MPP7: variants seen among roughly 807,000 people sequenced by gnomAD.
MPP7 encodes the protein MAGUK p55 scaffold protein 7, also known as MAGUK p55 subfamily member 7.
MPP7 carries 60 observed loss-of-function variants against 76.5 expected under a neutral mutation model. The observed-to-expected ratio is 0.78, with a 90% confidence interval of 0.64 to 0.97. The LOEUF is 0.97. Among genes scored for constraint, MPP7 ranks in the 50% least tolerant of loss-of-function variants. The pLI is 0.00. For synonymous variants in MPP7, 237 were observed against 244.5 expected (o/e 0.97, Z 0.29); for missense variants, 641 against 694.0 (o/e 0.92, Z 0.86).
chr10:28,220,328 T>C (rs1032345143), intron 2 of MPP7, among the ~76,000 whole-genome samples: 4 of 152,094 alleles, frequency 2.6e-5, no homozygotes, highest in Non-Finnish European at 5.9e-5. Flanking sequence ...CATAGAAAAA[T>C]GAAAATTACT....
chr10:28,292,476 A>G (rs1458194157), intron 1 of MPP7, among the ~76,000 whole-genome samples: 1 of 152,126 alleles, frequency 6.6e-6, no homozygotes, highest in Non-Finnish European at 1.5e-5. Context: ...TCTGACCTCC[A>G]TTGAATAAAA....
chr10:28,061,101 T>C (rs1851766696), intron 13 of MPP7, among the ~76,000 whole-genome samples: 1 of 152,054 alleles, frequency 6.6e-6, no homozygotes, highest in South Asian at 2.1e-4. Flanking sequence ...TAATACAACA[T>C]TATATTCACA....
chr10:28,313,420 C>T (rs1349149389), intron 2 of MPP7, among the ~76,000 whole-genome samples: 1 of 152,044 alleles, frequency 6.6e-6, no homozygotes, highest in Non-Finnish European at 1.5e-5. Context: ...GCAGGAGAAT[C>T]TCTTGAACCT....
intron 10 of MPP7, 128 bp from the exon 11 acceptor site, chr10:28,119,843 T>C (rs959738983): frequency 4.6e-5 from 31 of 680,186 alleles, no homozygotes; most frequent in Admixed American, 9.9e-5. Flanking sequence ...ATGCAATAGA[T>C]TCAAATTAAG....
intron 11 of MPP7, among the ~76,000 whole-genome samples, chr10:28,096,565 G>C (rs1853579920): frequency 6.6e-6 from 1 of 152,124 alleles, no homozygotes; most frequent in South Asian, 2.1e-4. Flanking sequence ...TTAAAAAGAT[G>C]TAAGGTTTTC....
At chr10:28,329,000 T>C (rs907213979) in intron 2 of MPP7, among the ~76,000 whole-genome samples, 2 of 152,236 alleles carry the variant, frequency 1.3e-5, no homozygotes, top group Admixed American at 6.5e-5. Context: ...AAATGTATTA[T>C]AAAGGTACTG....
At chr10:28,294,307 G>C (rs1012218263) in intron 1 of MPP7, among the ~76,000 whole-genome samples, 1 of 152,132 alleles carries the variant, frequency 6.6e-6, no homozygotes. Flanking sequence ...ACTCCGTCTC[G>C]AGAAGAACTG....
chr10:28,078,492 T>G (rs1249494848), intron 12 of MPP7, among the ~76,000 whole-genome samples: 1 of 152,220 alleles, frequency 6.6e-6, no homozygotes, highest in African/African-American at 2.4e-5. Context: ...AAAGGCACAT[T>G]AAAAATGATT....
chr10:28,224,183 T>G (rs11006927), intron 2 of MPP7, among the ~76,000 whole-genome samples: 14,603 of 151,682 alleles, frequency 0.096, 1,168 homozygotes, highest in East Asian at 0.41. Flanking sequence ...AAACTCCATC[T>G]CAAAAAGAAA....
intron 11 of MPP7, among the ~76,000 whole-genome samples, chr10:28,090,427 A>G (rs1480404333): frequency 6.6e-6 from 1 of 152,218 alleles, no homozygotes; most frequent in Non-Finnish European, 1.5e-5. Context: ...ATTGAGTAAA[A>G]TAACTATAAT....
rs3802521 is a variant in MPP7 at position 28,052,883 on chromosome 10, T to G, written c.*1182A>C. ...AGGATATGCTCTCTTATAGAACGGA[T>G]AGACATTTCTAGCATTTTGAATTAT... On this transcript the variant is annotated 3_prime_UTR_variant, in exon 17 of 17. Coordinates refer to ENST00000683449, the MANE Select transcript of MPP7 (RefSeq NM_001318170.2). The G allele has an allele frequency of 1.5e-3, 235 of 152,112 alleles. 1 individual carries two copies. Among genetic ancestry groups the G allele is most frequent in the African/African-American group, 5.4e-3 (223 of 41,476 alleles). 9.4% of individuals were successfully genotyped at this position (152,112 alleles called of 1,614,324 possible). A position where few individuals can be genotyped will look rare whatever the true frequency, so the allele number is the denominator to read the frequency against.
At chr10:28,326,376 A>C (rs918092892) in intron 2 of MPP7, among the ~76,000 whole-genome samples, 13 of 151,572 alleles carry the variant, frequency 8.6e-5, no homozygotes, top group African/African-American at 2.9e-4. Context: ...TACCAATTGT[A>C]AATGTGAGAA....
At chr10:28,134,550 C>T (rs1237215824) in intron 5 of MPP7, among the ~76,000 whole-genome samples, 1 of 151,932 alleles carries the variant, frequency 6.6e-6, no homozygotes, top group Non-Finnish European at 1.5e-5. Flanking sequence ...GTGGTTCATG[C>T]TTTTTGTATC....
intron 3 of MPP7, among the ~76,000 whole-genome samples, chr10:28,192,237 G>A (rs1051936687): frequency 6.6e-6 from 1 of 152,100 alleles, no homozygotes; most frequent in South Asian, 2.1e-4. Flanking sequence ...AAGAAAAGAT[G>A]TCTGTTTTCA....
chr10:28,150,342 T>C (rs1835843345), intron 3 of MPP7, among the ~76,000 whole-genome samples: 1 of 152,194 alleles, frequency 6.6e-6, no homozygotes, highest in Non-Finnish European at 1.5e-5. Flanking sequence ...AACTAAGTCT[T>C]TGTCTTTCCC....
intron 11 of MPP7, among the ~76,000 whole-genome samples, chr10:28,106,231 C>T (rs73606060): frequency 0.017 from 2,640 of 152,236 alleles, 76 homozygotes; most frequent in African/African-American, 0.058. Context: ...TTTTCTCTAA[C>T]GGAATTGATC....
Position 28,095,222 on chromosome 10 carries a change from T to TATATATATATATACAC in MPP7, c.953-5382_953-5381insGTGTATATATATATAT, listed in dbSNP as rs775763967. Among the ~76,000 whole-genome samples, 4 of 136,714 alleles carry TATATATATATATACAC rather than the reference T, an allele frequency of 2.9e-5. No individual in the cohort carries two copies. In the East Asian group the frequency reaches 9.1e-4, roughly 31 times the overall value. 89.7% of individuals were successfully genotyped at this position (136,714 alleles called of 152,430 possible). ...ATATATATATATATATATATATATA[T>TATATATATATATACAC]ACAGAAACATATATACATGTACAGA... On this transcript the variant is annotated intron_variant, in intron 11 of 16. Coordinates refer to ENST00000683449, the MANE Select transcript of MPP7 (RefSeq NM_001318170.2).
rs187126712 is a variant in MPP7 at position 28,299,829 on chromosome 10, G to A, written c.-132+3032C>T. ...GGCCCAGGCTGGAGTGCAGTGGCACGATCTCAGCTTACTGCAAGCTCTGCC... is the reference window on the plus strand; with the variant it reads ...GGCCCAGGCTGGAGTGCAGTGGCACAATCTCAGCTTACTGCAAGCTCTGCC... On this transcript the variant is annotated intron_variant, in intron 1 of 16. Coordinates refer to ENST00000683449, the MANE Select transcript of MPP7 (RefSeq NM_001318170.2). Among the ~76,000 whole-genome samples the A allele has an allele frequency of 4.1e-3, 611 of 148,218 alleles. 6 individuals carry two copies. Among genetic ancestry groups the A allele is most frequent in the African/African-American group, 0.015 (597 of 39,862 alleles).
Position 28,120,238 on chromosome 10 carries a change from G to A in MPP7, c.843C>T (p.Ala281=), listed in dbSNP as rs1588800866. Residue 281 remains alanine (A), a synonymous_variant, in exon 10 of 17, where the codon GCC becomes GCT. Coordinates refer to ENST00000683449, the MANE Select transcript of MPP7 (RefSeq NM_001318170.2). ...AGGGGATCAAGCCTGCCCTGGGGTTGGCATCAGCTTCGTGTTTCGCTTGCC... is the reference window on the plus strand; with the variant it reads ...AGGGGATCAAGCCTGCCCTGGGGTTAGCATCAGCTTCGTGTTTCGCTTGCC... ...TWWQAKHEAD[A]NPRAGLIPSK... The A allele has an allele frequency of 6.2e-7, 1 of 1,613,974 alleles. No homozygotes were observed. The highest frequency in any genetic ancestry group is 8.5e-7 in the Non-Finnish European group (1 of 1,179,932).
Sources: allele counts gnomAD v4.1 joint callset (sites outside exome capture counted in the v4.1 genomes callset), GRCh38; gene constraint gnomAD v4.1.1; transcripts MANE v1.5; gene names NCBI Gene and HGNC (gene_info 2026-07-23, HGNC 2026-07-21).